RAPGEF5: variants seen among roughly 807,000 people sequenced by gnomAD.
The protein encoded by RAPGEF5 is M-Ras-regulated GEF.
RAPGEF5 carries 65 observed loss-of-function variants against 125.2 expected under a neutral mutation model. That is an observed-to-expected ratio of 0.52 (90% CI 0.43 to 0.64). The LOEUF is 0.64. RAPGEF5 is among the 30% of genes least tolerant of loss of function. The pLI is 0.00. For synonymous variants in RAPGEF5, 391 were observed against 385.9 expected, an observed-to-expected ratio of 1.01 and a Z score of -0.16; for missense variants, 958 against 1,048.1, an observed-to-expected ratio of 0.91 and a Z score of 1.19.
intron 1 of RAPGEF5, among the ~76,000 whole-genome samples, chr7:22,343,519 C>T (rs1033091659): frequency 6.6e-6 from 1 of 152,042 alleles, no homozygotes; most frequent in Non-Finnish European, 1.5e-5. Flanking sequence ...CTTTACCACC[C>T]CAATATTATT....
At chr7:22,184,705 C>T (rs140403602) in intron 11 of RAPGEF5, among the ~76,000 whole-genome samples, 1 of 152,302 alleles carries the variant, frequency 6.6e-6, no homozygotes, top group African/African-American at 2.4e-5. Context: ...CTTCACCTTG[C>T]TTCATTAACA....
At chr7:22,150,757 G>A (rs1783600891) in intron 17 of RAPGEF5, among the ~76,000 whole-genome samples, 1 of 152,154 alleles carries the variant, frequency 6.6e-6, no homozygotes, top group Admixed American at 6.5e-5. Flanking sequence ...TTTAGTCATT[G>A]TTTGGAACAC....
intron 5 of RAPGEF5, among the ~76,000 whole-genome samples, chr7:22,294,395 G>C (rs1201602431): frequency 6.6e-6 from 1 of 152,194 alleles, no homozygotes; most frequent in Non-Finnish European, 1.5e-5. Context: ...CCAGGGGAGA[G>C]TGCTGAGTCC....
chr7:22,279,806 T>A (rs1307952148), intron 6 of RAPGEF5, among the ~76,000 whole-genome samples: 1 of 152,172 alleles, frequency 6.6e-6, no homozygotes, highest in Admixed American at 6.5e-5. Context: ...TCTTAATCAC[T>A]TGAATTGGCT....
rs1782298512 is a variant in RAPGEF5, at chr7:22,266,994, C to G, written c.766G>C (p.Ala256Pro). The change falls in exon 7 of 26, where the codon GCT (alanine) becomes CCT (proline). Residue 256 changes from alanine (A) to proline (P), a missense_variant. Ala to Pro is a conservative substitution (Grantham distance 27, BLOSUM62 -1). Transcript: ENST00000665637. ...TTCCTTGCTTTCAAAGCAATAACAGCTGCTAGCTCTCTCTGCACCTAATAA... is the reference window on the plus strand; with the variant it reads ...TTCCTTGCTTTCAAAGCAATAACAGGTGCTAGCTCTCTCTGCACCTAATAA... ...LTSAVQRELA[A>P]VIALKARKSA... The G allele has an allele frequency of 3.7e-6, 6 of 1,610,780 alleles. No homozygotes were observed. The highest frequency in any genetic ancestry group is 5.1e-6 in the Non-Finnish European group (6 of 1,177,458).
At chr7:22,232,314 C>CTT (rs5882838) in intron 7 of RAPGEF5, among the ~76,000 whole-genome samples, 4 of 139,310 alleles carry the variant, frequency 2.9e-5, no homozygotes, top group Middle Eastern at 3.4e-3. Context: ...ATTCTGTGTG[C>CTT]TTTTTTTTTT....
At chr7:22,180,406 C>T (rs753317858) in intron 11 of RAPGEF5, among the ~76,000 whole-genome samples, 10 of 152,212 alleles carry the variant, frequency 6.6e-5, no homozygotes, top group South Asian at 4.1e-4. Context: ...AAGCAGAAGC[C>T]GTGTGTGACG....
At chr7:22,256,398 C>T (rs10499554) in intron 7 of RAPGEF5, among the ~76,000 whole-genome samples, 3 of 151,958 alleles carry the variant, frequency 2.0e-5, no homozygotes, top group Admixed American at 2.0e-4. Flanking sequence ...ATTGTTAGAA[C>T]AGGATTTTTA....
intron 7 of RAPGEF5, among the ~76,000 whole-genome samples, chr7:22,250,667 A>T (rs1193922912): frequency 6.6e-6 from 1 of 152,110 alleles, no homozygotes; most frequent in East Asian, 1.9e-4. Flanking sequence ...CCCGGGGGGA[A>T]AAAAAGGCCT....
chr7:22,337,091 G>A (rs568783652), intron 1 of RAPGEF5, among the ~76,000 whole-genome samples: 35 of 152,308 alleles, frequency 2.3e-4, no homozygotes, highest in African/African-American at 5.3e-4. Context: ...TATAATACGC[G>A]TCAAGCTGGC....
intron 13 of RAPGEF5, among the ~76,000 whole-genome samples, chr7:22,162,053 A>G (rs183726036): frequency 1.3e-5 from 2 of 152,362 alleles, no homozygotes; most frequent in Non-Finnish European, 2.9e-5. Context: ...TACATTGTCA[A>G]TATAGTTTTT....
At chr7:22,230,165 G>A (rs1024050342) in intron 8 of RAPGEF5, among the ~76,000 whole-genome samples, 1 of 152,194 alleles carries the variant, frequency 6.6e-6, no homozygotes, top group Non-Finnish European at 1.5e-5. Flanking sequence ...TCCCTGCACA[G>A]GTTTGCTTGG....
chr7:22,208,873 G>A lies in RAPGEF5; in HGVS notation c.996+10993C>T, dbSNP rs560144028. Among the ~76,000 whole-genome samples, 6 of 152,340 alleles carry A rather than the reference G, an allele frequency of 3.9e-5. No individual in the cohort carries two copies. The South Asian group carries it at 1.2e-3, about 32-fold the overall frequency. On this transcript the variant is annotated intron_variant, in intron 9 of 25. Coordinates refer to ENST00000665637, the MANE Select transcript of RAPGEF5 (RefSeq NM_012294.5). ...GCCAGATATGGAACGTAAAGTAGAA[G>A]TCAGAGCTAAGATGCAAAAATCACA...
intron 2 of RAPGEF5, among the ~76,000 whole-genome samples, chr7:22,316,514 AG>A (rs1783603393): frequency 9.0e-6 from 1 of 111,098 alleles, no homozygotes; most frequent in African/African-American, 3.6e-5. Context: ...TTTTTGAGGC[AG>A]GGTCTTGCTG....
chr7:22,125,170 G>C (rs1207205330), intron 25 of RAPGEF5: 1 of 153,094 alleles, frequency 6.5e-6, no homozygotes, highest in South Asian at 2.1e-4. Flanking sequence ...AAAGATTCTG[G>C]AAGGCTGCTT....
chr7:22,315,144 T>C (rs911958274), intron 3 of RAPGEF5, among the ~76,000 whole-genome samples: 8 of 152,172 alleles, frequency 5.3e-5, no homozygotes, highest in Non-Finnish European at 1.2e-4. Context: ...CCATCCACAC[T>C]TGGGGCTGGA....
At chr7:22,275,336 C>T (rs1176103289) in intron 6 of RAPGEF5, among the ~76,000 whole-genome samples, 1 of 152,188 alleles carries the variant, frequency 6.6e-6, no homozygotes, top group East Asian at 1.9e-4. Context: ...CATTATGAAC[C>T]TGACTCCTGG....
chr7:22,134,817 C>T (rs1462798398), intron 23 of RAPGEF5, among the ~76,000 whole-genome samples: 2 of 152,166 alleles, frequency 1.3e-5, no homozygotes, highest in African/African-American at 2.4e-5. Flanking sequence ...GTCAAATAAA[C>T]TTTTAAATTA....
intron 9 of RAPGEF5, among the ~76,000 whole-genome samples, chr7:22,210,955 C>CA (rs1258740944): frequency 2.6e-5 from 4 of 151,972 alleles, no homozygotes; most frequent in African/African-American, 7.2e-5. Flanking sequence ...AATTTTAATA[C>CA]AAAAAATAAA....
Sources: gnomAD v4.1 joint callset for allele counts (sites outside exome capture counted in the v4.1 genomes callset) on GRCh38, gnomAD v4.1.1 for gene constraint, MANE v1.5 for transcripts, NCBI Gene and HGNC (gene_info 2026-07-23, HGNC 2026-07-21) for gene names.